Variants in RB1 observed in about 807,000 individuals in gnomAD.
RB1 encodes the protein RB transcriptional corepressor 1.
Under a neutral mutation model 135.4 loss-of-function variants are expected in RB1, and 18 were observed. The observed-to-expected ratio is 0.13, with a 90% CI of 0.09 to 0.20. The LOEUF (loss-of-function observed/expected upper bound fraction) is 0.20. Ranked by LOEUF, RB1 falls within the 10% of genes least tolerant of loss-of-function variation. The pLI is 1.00. For missense variants in RB1, 868 were observed against 1,110.0 expected (o/e 0.78, Z 3.10); for synonymous variants, 365 against 373.2 (o/e 0.98, Z 0.25).
At position 48,437,687 on chromosome 13, in the gene RB1, TC is replaced by T. The variant is rs1416819938; in HGVS notation, c.1696-15303del. On this transcript the variant is annotated intron_variant, in intron 17 of 26. Coordinates refer to ENST00000267163, the MANE Select transcript of RB1 (RefSeq NM_000321.3). ...CTCCGTAGGGCTACTCCATAGCAGC[TC>T]CCTGCCTCAACCCCAGTGGAAGAGA... Among the ~76,000 whole-genome samples, 4 of 152,252 alleles carry T rather than the reference TC, an allele frequency of 2.6e-5. No homozygotes were observed. The East Asian group carries it at 7.7e-4, about 29-fold the overall frequency.
In RB1 at chr13:48,480,326, T is replaced by G; in HGVS notation, c.*255T>G. 2 of 527,476 alleles carry G rather than the reference T, an allele frequency of 3.8e-6. No homozygotes were observed. The highest frequency in any genetic ancestry group is 4.2e-5 in the South Asian group (2 of 47,600). The allele number at this position is 527,476 out of a possible 1,614,324, so 32.7% of individuals were successfully genotyped here. On this transcript the variant is annotated 3_prime_UTR_variant, in exon 27 of 27. Transcript: ENST00000267163. ...TAAAAAGTTGTAGCAGATTGTTTCCTCTTCCAAAGTAAAATTGCTGTGCTT... is the reference window on the plus strand; with the variant it reads ...TAAAAAGTTGTAGCAGATTGTTTCCGCTTCCAAAGTAAAATTGCTGTGCTT...
Position 48,318,994 on chromosome 13 carries a change from G to A in RB1, c.264+11588G>A, listed in dbSNP as rs140783749. Reference sequence around the variant, plus strand: ...AAAGGGACCTGTTGCTGCCTTACATGGGGGCCGGCAGGGTAGTCTTGGAAA... The same window carrying A: ...AAAGGGACCTGTTGCTGCCTTACATAGGGGCCGGCAGGGTAGTCTTGGAAA... On this transcript the variant is annotated intron_variant, in intron 2 of 26. Transcript: ENST00000267163. 4.6e-3 allele frequency: 3,402 copies of A among 741,656 alleles called. 19 individuals are homozygous for A. The highest frequency in any genetic ancestry group is 0.02 in the Middle Eastern group (54 of 2,644). The allele number at this position is 741,656 out of a possible 1,614,324, so 45.9% of individuals were successfully genotyped here. A position where few individuals can be genotyped will look rare whatever the true frequency, so the allele number is the denominator to read the frequency against.
In RB1 at chr13:48,465,123, G is replaced by A. The variant is rs2138345116; in HGVS notation, c.2325+12G>A. The A allele has an allele frequency of 6.2e-7, 1 of 1,613,676 alleles. No homozygotes were observed. The highest frequency in any genetic ancestry group is 8.5e-7 in the Non-Finnish European group (1 of 1,179,728). On this transcript the variant is annotated intron_variant, in intron 22 of 26. Coordinates refer to ENST00000267163, the MANE Select transcript of RB1 (RefSeq NM_000321.3). ...ATGCTTCCACCAGGGTAGGTCAAAA[G>A]TATCCTTTGATTGGAAAAATCTAAT... is the stretch of plus-strand genomic sequence containing the variant.
intron 17 of RB1, among the ~76,000 whole-genome samples, chr13:48,417,976 A>T (rs548779718): frequency 6.6e-6 from 1 of 152,322 alleles, no homozygotes; most frequent in South Asian, 2.1e-4. Flanking sequence ...TATCCAGGAG[A>T]ATTTCCCCAA....
Position 48,459,802 on chromosome 13 carries a change from A to G in RB1, c.2075A>G (p.Tyr692Cys), listed in dbSNP as rs1294102595. The G allele has an allele frequency of 6.2e-7, 1 of 1,613,824 alleles. No individual in the cohort carries two copies. The highest frequency in any genetic ancestry group is 8.5e-7 in the Non-Finnish European group (1 of 1,179,776). ...TTCCAGCACACCCTGCAGAATGAGT[A>G]TGAACTCATGAGAGACAGGCATTTG... ...TLFQHTLQNE[Y>C]ELMRDRHLDQ... The change falls in exon 20 of 27, where the codon TAT (tyrosine) becomes TGT (cysteine). Residue 692 changes from tyrosine (Y) to cysteine (C), a missense_variant. Tyr to Cys is a radical substitution (Grantham distance 194, BLOSUM62 -2). Transcript: ENST00000267163.
chr13:48,462,801 T>C (rs1949414203), intron 20 of RB1, among the ~76,000 whole-genome samples: 1 of 152,238 alleles, frequency 6.6e-6, no homozygotes, highest in Non-Finnish European at 1.5e-5. Flanking sequence ...TTCATTCTTT[T>C]GTTTGTGGAT....
At chr13:48,409,146 TTC>T (rs1378795461) in intron 17 of RB1, among the ~76,000 whole-genome samples, 2 of 151,052 alleles carry the variant, frequency 1.3e-5, no homozygotes, top group East Asian at 1.9e-4. Context: ...TTTTTTTCTT[TTC>T]TCTTTTTTTT....
At chr13:48,378,115 A>G (rs914550466) in intron 13 of RB1, among the ~76,000 whole-genome samples, 2 of 152,320 alleles carry the variant, frequency 1.3e-5, no homozygotes, top group African/African-American at 4.8e-5. Flanking sequence ...ATGACTGTAC[A>G]CTATCGTAGA....
intron 2 of RB1, among the ~76,000 whole-genome samples, chr13:48,323,205 T>C (rs1389404031): frequency 2.0e-5 from 3 of 152,154 alleles, no homozygotes; most frequent in Non-Finnish European, 4.4e-5. Flanking sequence ...TTACTTGTTA[T>C]AGGTTTATTC....
intron 17 of RB1, among the ~76,000 whole-genome samples, chr13:48,416,144 TG>T (rs1290328819): frequency 2.6e-5 from 4 of 152,262 alleles, no homozygotes; most frequent in Non-Finnish European, 4.4e-5. Context: ...GATGTTAAAA[TG>T]GTGAACACAG....
At chr13:48,352,011 A>G (rs895604656) in intron 6 of RB1, among the ~76,000 whole-genome samples, 3 of 152,020 alleles carry the variant, frequency 2.0e-5, no homozygotes, top group Non-Finnish European at 4.4e-5. Flanking sequence ...ATTTTTGTAT[A>G]TGGTGTAAGG....
chr13:48,408,058 C>T (rs999888480), intron 17 of RB1, among the ~76,000 whole-genome samples: 1 of 151,934 alleles, frequency 6.6e-6, no homozygotes, highest in Non-Finnish European at 1.5e-5. Context: ...CATTCATGAA[C>T]CAAATGTTTC....
chr13:48,408,086 G>A (rs1028590190), intron 17 of RB1, among the ~76,000 whole-genome samples: 10 of 151,978 alleles, frequency 6.6e-5, no homozygotes, highest in Admixed American at 6.5e-4. Flanking sequence ...GGAATATGAA[G>A]TTTGCTCCAT....
intron 23 of RB1, among the ~76,000 whole-genome samples, chr13:48,465,863 G>A (rs1234063758): frequency 8.0e-5 from 12 of 149,442 alleles, no homozygotes; most frequent in South Asian, 2.1e-4. Flanking sequence ...CTTAAGAAAC[G>A]GCGCACCACG....
intron 2 of RB1, among the ~76,000 whole-genome samples, chr13:48,339,800 C>T (rs758807094): frequency 3.3e-5 from 5 of 152,136 alleles, no homozygotes; most frequent in South Asian, 2.1e-4. Context: ...TTTTCCTATT[C>T]GGCCATCTTC....
rs777410222 is a variant in RB1, at chr13:48,342,697, G to A, written c.363G>A (p.Gln121=). The stretch of plus-strand genomic sequence containing the variant: ...TGTCGTTCACTTTTACTGAGCTACA[G>A]AAAAACATAGAAATCAGGTAAAGTT... ...DEMSFTFTEL[Q]KNIEISVHKF... The change falls in exon 3 of 27, where the codon CAG becomes CAA. Residue 121 remains glutamine, a synonymous_variant. Transcript: ENST00000267163. 3 of 1,601,052 alleles carry A rather than the reference G, an allele frequency of 1.9e-6. No individual in the cohort carries two copies. Among genetic ancestry groups the A allele is most frequent in the Admixed American group, 1.7e-5 (1 of 59,960 alleles).
intron 2 of RB1, among the ~76,000 whole-genome samples, chr13:48,311,999 C>A (rs947849156): frequency 3.3e-5 from 5 of 152,116 alleles, no homozygotes; most frequent in Non-Finnish European, 4.4e-5. Flanking sequence ...CTGTGCCTGG[C>A]CTTTATTAGT....
chr13:48,363,043 G>A (rs1202118684), intron 8 of RB1, 86 bp downstream of exon 8: 22 of 1,518,066 alleles, frequency 1.4e-5, no homozygotes, highest in Non-Finnish European at 1.7e-5. Context: ...CTTTTGTTAT[G>A]AGCATGTTTT....
chr13:48,394,366 C>T (rs1004549042), intron 17 of RB1, among the ~76,000 whole-genome samples: 2 of 152,154 alleles, frequency 1.3e-5, no homozygotes, highest in African/African-American at 4.8e-5. Flanking sequence ...AGTTTTCTTT[C>T]GTACTCCAGT....
Sources: allele counts gnomAD v4.1 joint callset (sites outside exome capture counted in the v4.1 genomes callset), GRCh38; gene constraint gnomAD v4.1.1; transcripts MANE v1.5; gene names NCBI Gene and HGNC (gene_info 2026-07-23, HGNC 2026-07-21).